The following ROBO2 variants were observed in gnomAD, a reference collection of about 807,000 sequenced individuals.
ROBO2 encodes roundabout guidance receptor 2.
Under a neutral mutation model 160.8 loss-of-function variants are expected in ROBO2, and 53 were observed. That is an observed-to-expected ratio of 0.33 (90% CI 0.26 to 0.41). The LOEUF is 0.41. Ranked by LOEUF, ROBO2 falls within the 10% of genes least tolerant of loss-of-function variation. The probability of loss-of-function intolerance (pLI) is 1.00; values close to 1 mark genes in which losing one functional copy is unlikely to be tolerated. For synonymous variants in ROBO2, 664 were observed against 611.7 expected, an observed-to-expected ratio of 1.09 and a Z score of -1.26; for missense variants, 1,577 against 1,722.4, an observed-to-expected ratio of 0.92 and a Z score of 1.49.
chr3:77,411,369 T>C (rs2076787736), intron 2 of ROBO2, among the ~76,000 whole-genome samples: 1 of 152,212 alleles, frequency 6.6e-6, no homozygotes, highest in Admixed American at 6.5e-5. Context: ...GCAATTCCAC[T>C]GCTGTAAATC....
intron 2 of ROBO2, among the ~76,000 whole-genome samples, chr3:76,193,870 T>C (rs1702123452): frequency 6.6e-6 from 1 of 152,218 alleles, no homozygotes; most frequent in Admixed American, 6.5e-5. Flanking sequence ...TGAAGAACTA[T>C]GTGTTCTATT....
At chr3:77,265,594 T>A (rs1001123831) in intron 2 of ROBO2, among the ~76,000 whole-genome samples, 1 of 152,188 alleles carries the variant, frequency 6.6e-6, no homozygotes, top group Non-Finnish European at 1.5e-5. Flanking sequence ...AATATGATGT[T>A]AATAGAACCA....
At chr3:77,065,190 C>T (rs2066713657) in intron 1 of ROBO2, among the ~76,000 whole-genome samples, 1 of 152,096 alleles carries the variant, frequency 6.6e-6, no homozygotes, top group Non-Finnish European at 1.5e-5. Context: ...AAGCACTTGG[C>T]AATTGTCTCA....
At chr3:76,071,736 A>G (rs1468407210) in intron 2 of ROBO2, among the ~76,000 whole-genome samples, 1 of 152,062 alleles carries the variant, frequency 6.6e-6, no homozygotes, top group African/African-American at 2.4e-5. Flanking sequence ...ACCAGTAGTG[A>G]TTTACAAGTT....
At chr3:76,918,894 T>A (rs1194026993) in intron 2 of ROBO2, among the ~76,000 whole-genome samples, 1 of 152,240 alleles carries the variant, frequency 6.6e-6, no homozygotes, top group African/African-American at 2.4e-5. Flanking sequence ...ATTGTGGTTT[T>A]GATTTGCATT....
At chr3:77,468,902 G>T (rs575807625) in intron 2 of ROBO2, among the ~76,000 whole-genome samples, 1 of 152,080 alleles carries the variant, frequency 6.6e-6, no homozygotes, top group African/African-American at 2.4e-5. Flanking sequence ...CTTGCACAGC[G>T]GCCCCCGGAT....
chr3:77,109,355 G>T (rs1466110664), intron 2 of ROBO2, among the ~76,000 whole-genome samples: 1 of 147,070 alleles, frequency 6.8e-6, no homozygotes, highest in South Asian at 2.1e-4. Context: ...GGCTAAGATG[G>T]TATATTTTAT....
At chr3:76,130,226 A>G (rs1026377087) in intron 2 of ROBO2, among the ~76,000 whole-genome samples, 7 of 152,136 alleles carry the variant, frequency 4.6e-5, no homozygotes, top group East Asian at 1.9e-4. Context: ...ATCCCATGCT[A>G]GAAACTTTTA....
intron 21 of ROBO2, among the ~76,000 whole-genome samples, chr3:77,611,251 T>C (rs971609475): frequency 7.3e-5 from 11 of 150,884 alleles, no homozygotes; most frequent in African/African-American, 2.4e-4. Context: ...TGAGCCGAGA[T>C]TGGGCCACTG....
chr3:76,612,283 C>T (rs748621265), intron 2 of ROBO2, among the ~76,000 whole-genome samples: 2 of 152,108 alleles, frequency 1.3e-5, no homozygotes, highest in Non-Finnish European at 1.5e-5. Flanking sequence ...GGGTCTATAG[C>T]GCAGATTAAA....
intron 2 of ROBO2, among the ~76,000 whole-genome samples, chr3:76,506,721 C>G (rs13080369): frequency 0.3 from 45,747 of 151,978 alleles, 8,538 homozygotes; most frequent in Non-Finnish European, 0.41. Context: ...GTTAGCGTAC[C>G]CTGGCAACCT....
intron 2 of ROBO2, among the ~76,000 whole-genome samples, chr3:76,777,994 T>G (rs1392891951): frequency 1.3e-5 from 2 of 151,124 alleles, no homozygotes; most frequent in Non-Finnish European, 3.0e-5. Context: ...TTCTAGGATG[T>G]GTGCATGTAT....
At chr3:76,649,516 CAACTT>C (rs1250440847) in intron 2 of ROBO2, among the ~76,000 whole-genome samples, 1 of 151,990 alleles carries the variant, frequency 6.6e-6, no homozygotes, top group Non-Finnish European at 1.5e-5. Flanking sequence ...GTTTATAACT[CAACTT>C]AAAACTCACT....
rs548634038 is a variant in ROBO2 at position 77,008,471 on chromosome 3, G to A, written c.110-89543G>A. On this transcript the variant is annotated intron_variant, in intron 2 of 26. Coordinates refer to the ROBO2 transcript ENST00000487694. ...AAAAGTGGTAAAATGTACATCGCTT[G>A]TAATCAATCACAGATAGGTGAGATG... 7.0e-4 allele frequency among the ~76,000 whole-genome samples: 107 copies of A among 152,218 alleles called. No homozygotes were observed. In the South Asian group the frequency reaches 0.012, roughly 17 times the overall value.
chr3:76,555,432 G>GAAA (rs1560141931), intron 2 of ROBO2, among the ~76,000 whole-genome samples: 19 of 91,650 alleles, frequency 2.1e-4, no homozygotes, highest in East Asian at 4.4e-4. Flanking sequence ...AAGGAGAAGG[G>GAAA]GAAGGGGAAG....
chr3:77,455,178 C>T (rs574002096), intron 2 of ROBO2, among the ~76,000 whole-genome samples: 2 of 152,098 alleles, frequency 1.3e-5, no homozygotes, highest in Non-Finnish European at 2.9e-5. Flanking sequence ...GTATAAATAG[C>T]AAATCTTGCA....
chr3:77,603,271 A>G (rs1347425319), intron 20 of ROBO2, among the ~76,000 whole-genome samples: 1 of 152,184 alleles, frequency 6.6e-6, no homozygotes, highest in Non-Finnish European at 1.5e-5. Flanking sequence ...TCTATGAGGA[A>G]ATATTTAAAG....
chr3:76,989,606 T>C (rs899954969), intron 2 of ROBO2, among the ~76,000 whole-genome samples: 1 of 152,108 alleles, frequency 6.6e-6, no homozygotes, highest in East Asian at 1.9e-4. Context: ...TAGATTATTA[T>C]GCTAGAGCAA....
chr3:76,761,168 C>T (rs928817780), intron 2 of ROBO2, among the ~76,000 whole-genome samples: 1 of 151,670 alleles, frequency 6.6e-6, no homozygotes, highest in Admixed American at 6.6e-5. Flanking sequence ...ACACAAATAG[C>T]AGTGGACAAA....
Sources: allele counts gnomAD v4.1 joint callset (sites outside exome capture counted in the v4.1 genomes callset), GRCh38; gene constraint gnomAD v4.1.1; transcripts MANE v1.5; gene names NCBI Gene and HGNC (gene_info 2026-07-23, HGNC 2026-07-21).